The following EIPR1 variants were observed in gnomAD, a reference collection of about 807,000 sequenced individuals.
EIPR1 encodes the protein EARP complex and GARP complex interacting protein 1.
In EIPR1, 25 loss-of-function variants were observed where a neutral mutation model predicts 48.1. The ratio of observed to expected loss-of-function variants is 0.52; its 90% CI spans 0.38 to 0.73. The LOEUF is 0.73. Ranked by LOEUF, EIPR1 falls within the 30% of genes least tolerant of loss-of-function variation. EIPR1 has a pLI of 0.00. For synonymous variants in EIPR1, 204 were observed against 201.9 expected (o/e 1.01, Z -0.09); for missense variants, 415 against 506.2 (o/e 0.82, Z 1.73).
chr2:3,253,641 G>T (rs536271260), intron 4 of EIPR1, among the ~76,000 whole-genome samples: 5 of 152,322 alleles, frequency 3.3e-5, no homozygotes, highest in African/African-American at 1.2e-4. Context: ...GCTTCCATAG[G>T]CTGCCTGGCT....
intron 3 of EIPR1, among the ~76,000 whole-genome samples, chr2:3,302,185 C>A (rs961436826): frequency 4.6e-5 from 7 of 152,166 alleles, no homozygotes; most frequent in African/African-American, 1.4e-4. Flanking sequence ...AAAAAGAAAA[C>A]CCCTGATTTC....
At chr2:3,341,770 T>C (rs982412714) in intron 2 of EIPR1, among the ~76,000 whole-genome samples, 8 of 152,166 alleles carry the variant, frequency 5.3e-5, no homozygotes, top group Admixed American at 6.5e-5. Context: ...AGTGAATGCA[T>C]GTGTAAAGAT....
At chr2:3,250,281 G>A (rs1328797697) in intron 4 of EIPR1, among the ~76,000 whole-genome samples, 2 of 152,240 alleles carry the variant, frequency 1.3e-5, no homozygotes, top group Non-Finnish European at 2.9e-5. Flanking sequence ...CCTGGACGTA[G>A]GACATGGAGT....
chr2:3,240,937 T>C (rs1468194179), intron 4 of EIPR1, among the ~76,000 whole-genome samples: 37 of 87,926 alleles, frequency 4.2e-4, no homozygotes, highest in African/African-American at 1.5e-3. Flanking sequence ...CAGCAGATCC[T>C]TCCTAAAGCA....
At chr2:3,341,016 G>C (rs1670222149) in intron 2 of EIPR1, among the ~76,000 whole-genome samples, 1 of 140,946 alleles carries the variant, frequency 7.1e-6, no homozygotes, top group Non-Finnish European at 1.5e-5. Flanking sequence ...AGAATCACTT[G>C]AAGCCTGGAG....
chr2:3,284,888 G>A (rs889284634), intron 3 of EIPR1, among the ~76,000 whole-genome samples: 4 of 152,152 alleles, frequency 2.6e-5, no homozygotes, highest in African/African-American at 4.8e-5. Flanking sequence ...GGTAGATCGT[G>A]GTGAGGTCAC....
chr2:3,221,110 C>A (rs13007529), intron 4 of EIPR1, among the ~76,000 whole-genome samples: 3 of 6,346 alleles, frequency 4.7e-4, no homozygotes, highest in African/African-American at 6.7e-4. Flanking sequence ...ACAGTGAGTC[C>A]GGAACACACG....
intron 3 of EIPR1, among the ~76,000 whole-genome samples, chr2:3,336,790 G>A (rs67264214): frequency 0.038 from 3,588 of 95,294 alleles, 83 homozygotes; most frequent in Non-Finnish European, 0.042. Flanking sequence ...AAAAGAAAAG[G>A]AAAGGAAAAG....
intron 3 of EIPR1, among the ~76,000 whole-genome samples, chr2:3,321,257 A>G (rs1669519468): frequency 6.6e-6 from 1 of 152,138 alleles, no homozygotes; most frequent in African/African-American, 2.4e-5. Flanking sequence ...CCAGCTGAGC[A>G]CCTATACCCT....
intron 4 of EIPR1, among the ~76,000 whole-genome samples, chr2:3,231,814 G>C (rs534511854): frequency 6.6e-6 from 1 of 152,286 alleles, no homozygotes; most frequent in Non-Finnish European, 1.5e-5. Flanking sequence ...TAGTGTCTTT[G>C]TCAGGCTTTA....
At chr2:3,326,962 G>A (rs1053548079) in intron 3 of EIPR1, among the ~76,000 whole-genome samples, 6 of 152,232 alleles carry the variant, frequency 3.9e-5, no homozygotes, top group African/African-American at 7.2e-5. Flanking sequence ...ATGAGCGGCC[G>A]AAGCTGCGTG....
intron 4 of EIPR1, among the ~76,000 whole-genome samples, chr2:3,221,110 C>G (rs13007529): frequency 1.7e-3 from 11 of 6,344 alleles, no homozygotes; most frequent in Admixed American, 3.1e-3. Context: ...ACAGTGAGTC[C>G]GGAACACACG....
intron 4 of EIPR1, among the ~76,000 whole-genome samples, chr2:3,248,214 G>A (rs910647454): frequency 9.2e-5 from 14 of 152,200 alleles, no homozygotes; most frequent in East Asian, 3.8e-4. Flanking sequence ...TTGGAAGGCC[G>A]AGGTGGGTGG....
intron 4 of EIPR1, among the ~76,000 whole-genome samples, chr2:3,218,443 G>C (rs369714619): frequency 6.8e-6 from 1 of 146,402 alleles, no homozygotes; most frequent in Non-Finnish European, 1.5e-5. Context: ...CACCCAACAC[G>C]GCCCCGATAC....
In EIPR1 at chr2:3,279,467, G is replaced by A. The variant is rs140025390; in HGVS notation, c.260-22012C>T. Reference sequence around the variant, plus strand: ...CATACCAGGCAAGGTCGGAATCCCCGCTTGTGGCCTGCTGGCTGGGATCCT... The same window carrying A: ...CATACCAGGCAAGGTCGGAATCCCCACTTGTGGCCTGCTGGCTGGGATCCT... On this transcript the variant is annotated intron_variant, in intron 3 of 8. Coordinates refer to ENST00000382125, the MANE Select transcript of EIPR1 (RefSeq NM_003310.5). Among the ~76,000 whole-genome samples the A allele has an allele frequency of 3.3e-3, 507 of 152,318 alleles. 1 individual carries two copies. Among genetic ancestry groups the A allele is most frequent in the African/African-American group, 0.011 (459 of 41,572 alleles).
intron 5 of EIPR1, among the ~76,000 whole-genome samples, chr2:3,213,096 A>C (rs9789631): frequency 0.91 from 138,978 of 152,238 alleles, 63,793 homozygotes; most frequent in East Asian, 0.98. Flanking sequence ...GAGCTAAAAA[A>C]ACATGGTAGG....
chr2:3,306,713 G>T (rs760940044), intron 3 of EIPR1, among the ~76,000 whole-genome samples: 1 of 152,156 alleles, frequency 6.6e-6, no homozygotes, highest in Non-Finnish European at 1.5e-5. Context: ...TCATCATAAA[G>T]CTCTTCATCC....
chr2:3,309,097 C>T (rs72765334), intron 3 of EIPR1, among the ~76,000 whole-genome samples: 8,136 of 152,252 alleles, frequency 0.053, 282 homozygotes, highest in Non-Finnish European at 0.083. Flanking sequence ...ACATCTTTCT[C>T]CTCGTGAGCT....
intron 8 of EIPR1, among the ~76,000 whole-genome samples, chr2:3,191,770 G>A (rs1452991902): frequency 2.6e-5 from 4 of 152,216 alleles, no homozygotes; most frequent in Non-Finnish European, 5.9e-5. Context: ...GCATGAAGAG[G>A]CTGCCCTTAG....
Sources: allele counts gnomAD v4.1 joint callset (sites outside exome capture counted in the v4.1 genomes callset), GRCh38; gene constraint gnomAD v4.1.1; transcripts MANE v1.5; gene names NCBI Gene and HGNC (gene_info 2026-07-23, HGNC 2026-07-21).